Variants in CHRNA1 observed in about 807,000 individuals in gnomAD.
CHRNA1 encodes acetylcholine receptor subunit alpha.
Under a neutral mutation model 47.1 loss-of-function variants are expected in CHRNA1, and 35 were observed. That is an observed-to-expected ratio of 0.74 (90% CI 0.57 to 0.99). CHRNA1 has a LOEUF of 0.99. Among genes scored for constraint, CHRNA1 ranks in the 50% least tolerant of loss-of-function variants. The probability of loss-of-function intolerance (pLI) is 0.00; values close to 1 mark genes in which losing one functional copy is unlikely to be tolerated. For missense variants in CHRNA1, 506 were observed against 591.1 expected (o/e 0.86, Z 1.49); for synonymous variants, 229 against 223.6 (o/e 1.02, Z -0.22).
chr2:174,758,848 G>A (rs932291033), intron 3 of CHRNA1, among the ~76,000 whole-genome samples: 2 of 151,976 alleles, frequency 1.3e-5, no homozygotes, highest in Admixed American at 6.6e-5. Flanking sequence ...TATGACTGGT[G>A]TCTTCATAAA....
intron 4 of CHRNA1, 106 bp from the exon 5 acceptor site, chr2:174,754,520 T>A: frequency 1.1e-6 from 1 of 951,450 alleles, no homozygotes; most frequent in South Asian, 1.4e-5. Context: ...AGGTGCTAAT[T>A]ATAGAAGCTC....
At chr2:174,760,481 T>C (rs948564192) in intron 1 of CHRNA1, among the ~76,000 whole-genome samples, 2 of 152,226 alleles carry the variant, frequency 1.3e-5, no homozygotes, top group African/African-American at 4.8e-5. Flanking sequence ...TGATTTCATC[T>C]ACATGAAGCA....
At chr2:174,755,238 C>T (rs1432347046) in intron 4 of CHRNA1, among the ~76,000 whole-genome samples, 1 of 151,988 alleles carries the variant, frequency 6.6e-6, no homozygotes, top group Non-Finnish European at 1.5e-5. Context: ...GACTCACAAA[C>T]TCAGATATCT....
intron 4 of CHRNA1, among the ~76,000 whole-genome samples, chr2:174,756,761 A>C (rs948889002): frequency 6.6e-6 from 1 of 152,212 alleles, no homozygotes; most frequent in Non-Finnish European, 1.5e-5. Flanking sequence ...TATCGTTTTC[A>C]TCCACTAGCC....
At position 174,754,340 on chromosome 2, in the gene CHRNA1, G is replaced by A. The variant is rs1486937748; in HGVS notation, c.419C>T (p.Pro140Leu). The A allele has an allele frequency of 6.2e-7, 1 of 1,614,186 alleles. No homozygotes were observed. Among genetic ancestry groups the A allele is most frequent in the South Asian group, 1.1e-5 (1 of 91,084 alleles). ...ACAGTAGCTTTTAAAGATGGCTGGA[G>A]GTGTCCACGTGATGTGGCCAGTGTA... ...LQYTGHITWTPPAIFKSYCEI... is the reference protein window; with the variant it reads ...LQYTGHITWTLPAIFKSYCEI... The change falls in exon 5 of 9, where the codon CCT becomes CTT. Residue 140 changes from proline to leucine, a missense_variant. By Grantham distance (98) the Pro-to-Leu change is moderately conservative. Transcript: ENST00000348749.
chr2:174,754,821 C>CATA (rs1488378190), intron 4 of CHRNA1, among the ~76,000 whole-genome samples: 1 of 149,796 alleles, frequency 6.7e-6, no homozygotes, highest in Non-Finnish European at 1.5e-5. Context: ...AGGAATTTTA[C>CATA]ATAAAACACC....
At chr2:174,754,133 A>C in intron 5 of CHRNA1, 86 bp downstream of exon 5, 1 of 1,234,348 alleles carries the variant, frequency 8.1e-7, no homozygotes, top group Non-Finnish European at 1.2e-6. Flanking sequence ...ACTGGTACTG[A>C]GAGCCTATGA....
chr2:174,748,887 G>T, intron 7 of CHRNA1, 68 bp from the exon 8 acceptor site: 1 of 1,591,286 alleles, frequency 6.3e-7, no homozygotes, highest in Non-Finnish European at 8.5e-7. Context: ...CTCTGTCTTT[G>T]AATTATCAAT....
At chr2:174,762,431 T>G (rs1277090859) in intron 1 of CHRNA1, among the ~76,000 whole-genome samples, 1 of 152,244 alleles carries the variant, frequency 6.6e-6, no homozygotes, top group Non-Finnish European at 1.5e-5. Context: ...CAAGATTATA[T>G]TTGTAATCTT....
intron 3 of CHRNA1, chr2:174,757,963 A>G (rs773262937): frequency 6.3e-7 from 1 of 1,582,124 alleles, no homozygotes; most frequent in African/African-American, 1.3e-5. Context: ...TGCAGATGAG[A>G]AAACAAAGGA....
chr2:174,759,737 T>C, intron 1 of CHRNA1, 104 bp from the exon 2 acceptor site: 2 of 1,470,356 alleles, frequency 1.4e-6, no homozygotes, highest in Non-Finnish European at 1.9e-6. Flanking sequence ...CAGTTCCTTC[T>C]AACAGAAGGC....
At chr2:174,751,929 C>T (rs1294916255) in intron 6 of CHRNA1, among the ~76,000 whole-genome samples, 1 of 152,080 alleles carries the variant, frequency 6.6e-6, no homozygotes, top group Non-Finnish European at 1.5e-5. Context: ...ATCCATCCGC[C>T]TTGGCCTCCG....
chr2:174,762,873 G>A (rs1014282288), intron 1 of CHRNA1, among the ~76,000 whole-genome samples: 5 of 152,208 alleles, frequency 3.3e-5, no homozygotes, highest in African/African-American at 4.8e-5. Flanking sequence ...ATAGCTCCCT[G>A]GGCTGGGCAA....
chr2:174,751,458 A>T (rs1683847332), intron 6 of CHRNA1, among the ~76,000 whole-genome samples: 1 of 152,212 alleles, frequency 6.6e-6, no homozygotes, highest in Non-Finnish European at 1.5e-5. Flanking sequence ...GTATGTATGT[A>T]TACGATAAAG....
chr2:174,757,508 G>T, intron 4 of CHRNA1, 58 bp downstream of exon 4: 1 of 1,245,160 alleles, frequency 8.0e-7, no homozygotes, highest in Non-Finnish European at 1.2e-6. Flanking sequence ...CCTTCTATTA[G>T]GGCACTTTAT....
intron 6 of CHRNA1, among the ~76,000 whole-genome samples, chr2:174,752,183 G>A (rs1429316816): frequency 6.6e-6 from 1 of 151,994 alleles, no homozygotes; most frequent in African/African-American, 2.4e-5. Context: ...GGGCAACATA[G>A]CAAGACTCCA....
chr2:174,754,467 A>G, intron 4 of CHRNA1, 53 bp from the exon 5 acceptor site: 1 of 1,518,824 alleles, frequency 6.6e-7, no homozygotes. Context: ...TGAGCCTTCC[A>G]TTCTGCTTGG....
chr2:174,760,386 G>A (rs556820099), intron 1 of CHRNA1, among the ~76,000 whole-genome samples: 3 of 152,332 alleles, frequency 2.0e-5, no homozygotes, highest in Admixed American at 6.5e-5. Context: ...AAGGAATGAT[G>A]TACTGACACA....
At chr2:174,755,856 A>T (rs1363181198) in intron 4 of CHRNA1, among the ~76,000 whole-genome samples, 5 of 152,164 alleles carry the variant, frequency 3.3e-5, no homozygotes, top group Admixed American at 2.6e-4. Flanking sequence ...GCCAACAGCG[A>T]GACCTCATCT....
Sources: allele counts gnomAD v4.1 joint callset (sites outside exome capture counted in the v4.1 genomes callset), GRCh38; gene constraint gnomAD v4.1.1; transcripts MANE v1.5; gene names NCBI Gene and HGNC (gene_info 2026-07-23, HGNC 2026-07-21).